The following TDG variants were observed in gnomAD, a reference collection of about 807,000 sequenced individuals.
TDG encodes G/T mismatch-specific thymine DNA glycosylase.
Under a neutral mutation model 46.1 loss-of-function variants are expected in TDG, and 23 were observed. That is an observed-to-expected ratio of 0.50 (90% CI 0.36 to 0.71). The LOEUF is 0.71. Among genes scored for constraint, TDG ranks in the 30% least tolerant of loss-of-function variants. TDG has a pLI of 0.00. For missense variants in TDG, 304 were observed against 486.7 expected (o/e 0.62, Z 3.53); for synonymous variants, 115 against 161.3 (o/e 0.71, Z 2.18).
At chr12:103,980,233 G>A (rs1408185662) in intron 3 of TDG, 161 bp downstream of exon 3, 3 of 938,174 alleles carry the variant, frequency 3.2e-6, no homozygotes, top group Non-Finnish European at 4.6e-6. Context: ...ATATGAGAGT[G>A]TTTAAGAGGG....
intron 1 of TDG, among the ~76,000 whole-genome samples, chr12:103,974,642 A>C (rs1006873652): frequency 1.5e-4 from 23 of 152,118 alleles, no homozygotes; most frequent in African/African-American, 5.3e-4. Flanking sequence ...TATCATAGAG[A>C]ATGAAAACTG....
At chr12:103,985,031 GTGCACA>G in intron 8 of TDG, 111 bp downstream of exon 8, 4 of 838,382 alleles carry the variant, frequency 4.8e-6, no homozygotes, top group African/African-American at 1.8e-5. Context: ...ATACATATGT[GTGCACA>G]TATATGCACA....
rs1191787136 is a variant in TDG, at chr12:103,988,009, A to G, written c.*919A>G. 1 of 152,712 alleles carries G rather than the reference A, an allele frequency of 6.5e-6. No individual in the cohort carries two copies. The highest frequency in any genetic ancestry group is 1.5e-5 in the Non-Finnish European group (1 of 68,054). The allele number at this position is 152,712 out of a possible 1,614,324, so 9.5% of individuals were successfully genotyped here. On this transcript the variant is annotated 3_prime_UTR_variant, in exon 10 of 10. Transcript: ENST00000392872. The stretch of plus-strand genomic sequence containing the variant: ...TGAGATGTACTAAAATAAGTAATAT[A>G]GAATTTTTCTTGCTAGGTAAATCCA...
rs1053310306 is a variant in TDG, at chr12:103,983,487, A to G, written c.792+98A>G. On this transcript the variant is annotated intron_variant, in intron 7 of 9. Coordinates refer to ENST00000392872, the MANE Select transcript of TDG (RefSeq NM_003211.6). ...TATCCATTGTGATTTATACCATGCAAAACAATTACACTGTATTTTGTTGAA... is the reference window on the plus strand; with the variant it reads ...TATCCATTGTGATTTATACCATGCAGAACAATTACACTGTATTTTGTTGAA... The G allele has an allele frequency of 3.8e-6, 3 of 799,682 alleles. No homozygotes were observed. The Admixed American group carries it at 9.9e-5, about 26-fold the overall frequency. 49.5% of individuals were successfully genotyped at this position (799,682 alleles called of 1,614,324 possible). A position where few individuals can be genotyped will look rare whatever the true frequency, so the allele number is the denominator to read the frequency against.
At chr12:103,972,063 A>C (rs1871308125) in intron 1 of TDG, among the ~76,000 whole-genome samples, 1 of 152,230 alleles carries the variant, frequency 6.6e-6, no homozygotes, top group Non-Finnish European at 1.5e-5. Context: ...AGGTTGAAAC[A>C]GGTTTATGCT....
intron 7 of TDG, among the ~76,000 whole-genome samples, chr12:103,983,719 T>C (rs956328881): frequency 2.0e-5 from 3 of 152,240 alleles, no homozygotes; most frequent in Non-Finnish European, 2.9e-5. Flanking sequence ...CTCGTACTGT[T>C]GTGAAACAAA....
At position 103,987,474 on chromosome 12, in the gene TDG, C is replaced by G; in HGVS notation, c.*384C>G. 6.1e-6 allele frequency: 1 copy of G among 162,754 alleles called. No homozygotes were observed. The highest frequency in any genetic ancestry group is 1.4e-5 in the Non-Finnish European group (1 of 73,830). The allele number at this position is 162,754 out of a possible 1,614,324, so 10.1% of individuals were successfully genotyped here. On this transcript the variant is annotated 3_prime_UTR_variant, in exon 10 of 10. Transcript: ENST00000392872. ...TTATCCCTTTTATACCTAAGAAGGG[C>G]ATGCTAATAATTACCACTGTCAAAG...
chr12:103,985,166 TACACACACACACACACACACACAC>T (rs375705839), intron 8 of TDG, among the ~76,000 whole-genome samples: 1 of 138,506 alleles, frequency 7.2e-6, no homozygotes, highest in Admixed American at 7.1e-5. Context: ...TATAGACACA[TACACACACACACACACACACACAC>T]ACACACACAC....
intron 1 of TDG, 113 bp downstream of exon 1, chr12:103,966,173 C>T: frequency 1.5e-6 from 2 of 1,329,418 alleles, no homozygotes; most frequent in Non-Finnish European, 2.0e-6. Context: ...AATACAAAGG[C>T]CGGGGCCGCG....
At chr12:103,983,262 G>T in intron 6 of TDG, 33 bp from the exon 7 acceptor site, 2 of 1,568,774 alleles carry the variant, frequency 1.3e-6, no homozygotes, top group Non-Finnish European at 1.7e-6. Flanking sequence ...CTAACATTAT[G>T]GGCAATGTAA....
At chr12:103,976,805 C>A in intron 1 of TDG, 113 bp from the exon 2 acceptor site, 1 of 1,284,168 alleles carries the variant, frequency 7.8e-7, no homozygotes, top group Non-Finnish European at 1.1e-6. Flanking sequence ...ATAAATACTT[C>A]AGTCTGGTTA....
intron 1 of TDG, among the ~76,000 whole-genome samples, chr12:103,969,439 G>A (rs1694896161): frequency 6.6e-6 from 1 of 152,220 alleles, no homozygotes; most frequent in Admixed American, 6.5e-5. Context: ...CTGAAGAGAG[G>A]TCTGTACTTA....
chr12:103,977,080 T>C lies in TDG; in HGVS notation c.166+20T>C. The C allele has an allele frequency of 6.3e-7, 1 of 1,589,168 alleles. No individual in the cohort carries two copies. Among genetic ancestry groups the C allele is most frequent in the South Asian group, 1.2e-5 (1 of 86,412 alleles). On this transcript the variant is annotated intron_variant, in intron 2 of 9. Transcript: ENST00000392872. The stretch of plus-strand genomic sequence containing the variant: ...TGCAAGGTAGTTTCACCATGAGAGC[T>C]TAGAAAGTTCAACATCGGATCAGCC...
At chr12:103,966,198 C>T (rs1001991023) in intron 1 of TDG, 138 bp downstream of exon 1, 1 of 1,204,174 alleles carries the variant, frequency 8.3e-7, no homozygotes. Context: ...CGCACTGTGG[C>T]CTGGTCGGCC....
chr12:103,974,368 C>T (rs751986302), intron 1 of TDG, among the ~76,000 whole-genome samples: 47 of 152,246 alleles, frequency 3.1e-4, no homozygotes, highest in Non-Finnish European at 6.2e-4. Flanking sequence ...CCTTGAACTC[C>T]TAGACTCAGG....
intron 4 of TDG, among the ~76,000 whole-genome samples, chr12:103,982,114 TGCC>T (rs1871870711): frequency 6.6e-6 from 1 of 152,240 alleles, no homozygotes; most frequent in African/African-American, 2.4e-5. Context: ...TATTTTATAC[TGCC>T]TAATAGATCA....
At chr12:103,983,027 T>C in intron 5 of TDG, 93 bp downstream of exon 5, 1 of 1,576,274 alleles carries the variant, frequency 6.3e-7, no homozygotes, top group Non-Finnish European at 8.6e-7. Flanking sequence ...TAGTTCAAGC[T>C]GAGCTCAACA....
At chr12:103,976,181 G>T (rs960060122) in intron 1 of TDG, among the ~76,000 whole-genome samples, 1 of 151,842 alleles carries the variant, frequency 6.6e-6, no homozygotes, top group African/African-American at 2.4e-5. Context: ...GAGATGGGCA[G>T]ATCTCTTGAG....
intron 1 of TDG, among the ~76,000 whole-genome samples, chr12:103,972,425 A>G (rs2136233511): frequency 6.6e-6 from 1 of 152,242 alleles, no homozygotes; most frequent in Admixed American, 6.5e-5. Context: ...CCAGTTATCC[A>G]GAACTGTTTA....
Sources: gnomAD v4.1 joint callset for allele counts (sites outside exome capture counted in the v4.1 genomes callset) on GRCh38, gnomAD v4.1.1 for gene constraint, MANE v1.5 for transcripts, NCBI Gene and HGNC (gene_info 2026-07-23, HGNC 2026-07-21) for gene names.